Variants in RFX4 observed in about 807,000 individuals in gnomAD.
The protein encoded by RFX4 is regulatory factor X4, also known as transcription factor RFX4.
RFX4 carries 10 observed loss-of-function variants against 95.0 expected under a neutral mutation model. The ratio of observed to expected loss-of-function variants is 0.11; its 90% confidence interval spans 0.06 to 0.18. The LOEUF is 0.18. RFX4 is among the 10% of genes least tolerant of loss of function. The pLI is 1.00. For missense variants in RFX4, 640 were observed against 922.0 expected (o/e 0.69, Z 3.96); for synonymous variants, 321 against 340.7 (o/e 0.94, Z 0.64).
intron 1 of RFX4, among the ~76,000 whole-genome samples, chr12:106,607,159 C>T (rs1592843822): frequency 1.3e-5 from 2 of 152,160 alleles, no homozygotes; most frequent in Non-Finnish European, 2.9e-5. Context: ...CCATAGGTGT[C>T]GCCACTTCTG....
At chr12:106,677,680 C>T (rs2041420543) in intron 4 of RFX4, among the ~76,000 whole-genome samples, 1 of 152,074 alleles carries the variant, frequency 6.6e-6, no homozygotes, top group Non-Finnish European at 1.5e-5. Flanking sequence ...CTACTCCAGC[C>T]TGGTCAACAG....
intron 1 of RFX4, among the ~76,000 whole-genome samples, chr12:106,599,397 T>TA (rs2039666787): frequency 6.6e-6 from 1 of 151,846 alleles, no homozygotes; most frequent in South Asian, 2.1e-4. Context: ...CACAGGTGAG[T>TA]AGTTAGGTTC....
At chr12:106,601,140 G>A (rs1462301287) in intron 1 of RFX4, 6 of 1,440,930 alleles carry the variant, frequency 4.2e-6, no homozygotes, top group Non-Finnish European at 5.5e-6. Context: ...CTGTGGCGTT[G>A]CCATGGCAAC....
intron 13 of RFX4, among the ~76,000 whole-genome samples, chr12:106,723,230 T>C (rs2137535951): frequency 6.6e-6 from 1 of 152,366 alleles, no homozygotes; most frequent in Middle Eastern, 3.4e-3. Flanking sequence ...CTTTCTTTCT[T>C]TGCTGCAAGC....
chr12:106,732,939 A>T lies in RFX4; in HGVS notation c.1487A>T (p.Glu496Val), dbSNP rs773777471. 3.7e-6 allele frequency: 6 copies of T among 1,614,094 alleles called. No homozygotes were observed. The highest frequency in any genetic ancestry group is 5.1e-6 in the Non-Finnish European group (6 of 1,179,976). Residue 496 changes from glutamate (E) to valine (V), a missense_variant, in exon 15 of 18, where the codon GAG (glutamate) becomes GTG (valine). Physicochemically the swap from Glu to Val is moderately radical, Grantham distance 121 (BLOSUM62 -2). Transcript: ENST00000392842. ...GEGSTAEVRE[E>V]IILTEAAAPT... is the part of the protein sequence containing the mutation. ...CTATCCACAGCAGAAGTCCGAGAAG[A>T]GATCATCTTGACAGAGGCTGCCGCA...
At position 106,586,909 on chromosome 12, in the gene RFX4, A is replaced by C. The variant is rs1179717790; in HGVS notation, c.43+3546A>C. The stretch of plus-strand genomic sequence containing the variant: ...CACTGTCTGCGGGCTTGGGAGAGCA[A>C]GGAGCCGGAGGTCCGAGCCTTGCTC... On this transcript the variant is annotated intron_variant, in intron 1 of 17. Transcript: ENST00000392842. The surrounding 1 kb of genome is among the most constrained non-coding windows in gnomAD (Gnocchi z 5.6). Among the ~76,000 whole-genome samples the C allele has an allele frequency of 6.6e-6, 1 of 152,178 alleles. No individual in the cohort carries two copies. The highest frequency in any genetic ancestry group is 1.5e-5 in the Non-Finnish European group (1 of 68,028).
At chr12:106,728,017 G>A (rs893578544) in intron 13 of RFX4, among the ~76,000 whole-genome samples, 1 of 152,060 alleles carries the variant, frequency 6.6e-6, no homozygotes, top group African/African-American at 2.4e-5. Flanking sequence ...AATAGCAAAA[G>A]AAACTAAAAT....
At chr12:106,618,093 A>G (rs2040109350) in intron 2 of RFX4, among the ~76,000 whole-genome samples, 1 of 152,126 alleles carries the variant, frequency 6.6e-6, no homozygotes, top group African/African-American at 2.4e-5. Context: ...ACTTGAGGAG[A>G]ATGAGTATTT....
At position 106,720,875 on chromosome 12, in the gene RFX4, C is replaced by T. The variant is rs374609516; in HGVS notation, c.1350C>T (p.Phe450=). 2.4e-5 allele frequency: 39 copies of T among 1,612,182 alleles called. No individual in the cohort carries two copies. Among genetic ancestry groups the T allele is most frequent in the African/African-American group, 1.6e-4 (12 of 74,832 alleles). Residue 450 remains phenylalanine, a splice_region_variant and synonymous_variant, in exon 13 of 18, where the codon TTC becomes TTT. Transcript: ENST00000392842. The surrounding 1 kb of genome is among the most constrained non-coding windows in gnomAD (Gnocchi z 4.2). The part of the protein sequence containing the change: ...RDMTLHSAPS[F]GSFHLIHLMF... ...TGACCTTGCACAGCGCCCCCAGCTT[C>T]GGTAAGGCCACCCCAGCCCTCCCCA...
At chr12:106,641,038 G>C (rs1013521436) in intron 3 of RFX4, among the ~76,000 whole-genome samples, 2 of 152,182 alleles carry the variant, frequency 1.3e-5, no homozygotes, top group East Asian at 1.9e-4. Flanking sequence ...GCCTTGGCCT[G>C]TCAAAGTGGT....
At chr12:106,632,676 G>GTTTT (rs2040439129) in intron 2 of RFX4, among the ~76,000 whole-genome samples, 2 of 152,264 alleles carry the variant, frequency 1.3e-5, no homozygotes, top group South Asian at 4.1e-4. Flanking sequence ...TTTTTGTTTT[G>GTTTT]TTTTGTTTTA....
Position 106,694,107 on chromosome 12 carries a change from T to C in RFX4, c.670-2176T>C, listed in dbSNP as rs145943740. On this transcript the variant is annotated intron_variant, in intron 7 of 17. Transcript: ENST00000392842. Reference sequence around the variant, plus strand: ...TCATTTTCAATCTGGATGAAAACTTTGCAGTATTTCCACTGTCAGGGAATA... The same window carrying C: ...TCATTTTCAATCTGGATGAAAACTTCGCAGTATTTCCACTGTCAGGGAATA... 3.6e-3 allele frequency among the ~76,000 whole-genome samples: 543 copies of C among 152,364 alleles called. 4 individuals carry two copies. The highest frequency in any genetic ancestry group is 0.013 in the African/African-American group (524 of 41,588).
At chr12:106,688,999 G>A (rs2041723896) in intron 6 of RFX4, among the ~76,000 whole-genome samples, 2 of 152,126 alleles carry the variant, frequency 1.3e-5, no homozygotes. Context: ...TTTTCCTAGA[G>A]CTCACAGTCT....
At chr12:106,719,759 T>A (rs2042361948) in intron 11 of RFX4, among the ~76,000 whole-genome samples, 2 of 152,188 alleles carry the variant, frequency 1.3e-5, no homozygotes, top group Admixed American at 6.5e-5. Flanking sequence ...CAGTTTAACA[T>A]GTTCACAGGC....
chr12:106,661,272 A>G (rs1370346942), intron 4 of RFX4, among the ~76,000 whole-genome samples: 2 of 152,218 alleles, frequency 1.3e-5, no homozygotes, highest in African/African-American at 2.4e-5. Flanking sequence ...TAAAATAGCT[A>G]ACACTGACTC....
chr12:106,609,240 A>C (rs531290802), intron 2 of RFX4, among the ~76,000 whole-genome samples: 1 of 152,336 alleles, frequency 6.6e-6, no homozygotes, highest in South Asian at 2.1e-4. Context: ...ATATGGGTTC[A>C]AAGTAGTTGT....
intron 9 of RFX4, 69 bp from the exon 10 acceptor site, chr12:106,711,384 C>A (rs1193970536): frequency 7.0e-7 from 1 of 1,420,690 alleles, no homozygotes; most frequent in Non-Finnish European, 1.0e-6. Flanking sequence ...TTGAAATGTG[C>A]CCCTGGAAAA....
intron 1 of RFX4, among the ~76,000 whole-genome samples, chr12:106,608,215 A>C (rs1431207130): frequency 6.6e-6 from 1 of 152,140 alleles, no homozygotes; most frequent in Non-Finnish European, 1.5e-5. Context: ...GAGGGGCTAC[A>C]TAGCTACCAT....
At chr12:106,727,116 C>G (rs1283755897) in intron 13 of RFX4, among the ~76,000 whole-genome samples, 1 of 152,088 alleles carries the variant, frequency 6.6e-6, no homozygotes, top group Non-Finnish European at 1.5e-5. Flanking sequence ...AAATAAAACA[C>G]TAGCAGATCA....
Sources: gnomAD v4.1 joint callset for allele counts (sites outside exome capture counted in the v4.1 genomes callset) on GRCh38, gnomAD v4.1.1 for gene constraint, Gnocchi (gnomAD v3.1) non-coding constraint, MANE v1.5 for transcripts, NCBI Gene and HGNC (gene_info 2026-07-23, HGNC 2026-07-21) for gene names.